Variants in ABCA1 observed in about 807,000 individuals in gnomAD.
The protein encoded by ABCA1 is ATP binding cassette subfamily A member 1, also known as phospholipid-transporting ATPase ABCA1.
A neutral mutation model predicts 262.5 loss-of-function variants in ABCA1; 133 were observed. The observed-to-expected ratio is 0.51, with a 90% CI of 0.44 to 0.59. The LOEUF (loss-of-function observed/expected upper bound fraction) is 0.59, where lower values mean the gene tolerates loss of function less well. Among genes scored for constraint, ABCA1 ranks in the 20% least tolerant of loss-of-function variants. ABCA1 has a pLI of 0.00. For missense variants in ABCA1, 2,452 were observed against 2,777.5 expected (o/e 0.88, Z 2.63); for synonymous variants, 1,022 against 1,043.5 (o/e 0.98, Z 0.40).
chr9:104,907,804 G>A (rs1448894362), intron 1 of ABCA1, among the ~76,000 whole-genome samples: 5 of 152,300 alleles, frequency 3.3e-5, no homozygotes, highest in African/African-American at 7.2e-5. Context: ...TCGACTTCCC[G>A]CCCGTCCTCA....
At chr9:104,807,076 G>A (rs1331209241) in intron 30 of ABCA1, among the ~76,000 whole-genome samples, 1 of 152,194 alleles carries the variant, frequency 6.6e-6, no homozygotes, top group African/African-American at 2.4e-5. Context: ...ATAATAGGAA[G>A]ACAGCATGGC....
chr9:104,830,312 A>C (rs1037336160), intron 14 of ABCA1, among the ~76,000 whole-genome samples: 5 of 152,180 alleles, frequency 3.3e-5, no homozygotes, highest in Non-Finnish European at 7.3e-5. Flanking sequence ...TCTATGTGTG[A>C]GTATGTGCTT....
intron 4 of ABCA1, 61 bp from the exon 5 acceptor site, chr9:104,883,218 A>G (rs1052130719): frequency 1.4e-6 from 2 of 1,411,502 alleles, no homozygotes; most frequent in East Asian, 4.6e-5. Context: ...CTGCTGCTTT[A>G]CAGAAGTGAC....
At chr9:104,874,919 G>A (rs1381682463) in intron 5 of ABCA1, among the ~76,000 whole-genome samples, 4 of 150,988 alleles carry the variant, frequency 2.6e-5, no homozygotes, top group Non-Finnish European at 4.4e-5. Flanking sequence ...GGTGGGGGGC[G>A]CCTCTGCCCG....
intron 1 of ABCA1, among the ~76,000 whole-genome samples, chr9:104,912,688 G>C (rs567180586): frequency 6.6e-6 from 1 of 152,198 alleles, no homozygotes; most frequent in African/African-American, 2.4e-5. Context: ...CAAACACCAA[G>C]CAACCTTCAA....
At chr9:104,857,826 G>T (rs1207374568) in intron 7 of ABCA1, among the ~76,000 whole-genome samples, 2 of 152,180 alleles carry the variant, frequency 1.3e-5, no homozygotes, top group Admixed American at 6.5e-5. Context: ...GATATTAAAT[G>T]ATGATGTTTG....
At position 104,792,122 on chromosome 9, in the gene ABCA1, C is replaced by T. The variant is rs1588206850; in HGVS notation, c.5758-124G>A. 1.1e-5 allele frequency: 10 copies of T among 884,958 alleles called. No individual in the cohort carries two copies. The East Asian group carries it at 2.6e-4, about 23-fold the overall frequency. 54.8% of individuals were successfully genotyped at this position (884,958 alleles called of 1,614,324 possible). On this transcript the variant is annotated intron_variant, in intron 42 of 49. Transcript: ENST00000374736. ...ATAAGACTTGTCAATAACCCTAAGCCATAGGCATATTTGATGTGCCAAGAG... is the reference window on the plus strand; with the variant it reads ...ATAAGACTTGTCAATAACCCTAAGCTATAGGCATATTTGATGTGCCAAGAG...
At chr9:104,831,154 A>T in intron 13 of ABCA1, 53 bp from the exon 14 acceptor site, 4 of 1,387,474 alleles carry the variant, frequency 2.9e-6, no homozygotes, top group South Asian at 1.3e-5. Flanking sequence ...TACAATAAAA[A>T]AAAAAAAAAA....
At position 104,802,056 on chromosome 9, in the gene ABCA1, T is replaced by C. The variant is rs757339416; in HGVS notation, c.4696A>G (p.Lys1566Glu). 1.2e-6 allele frequency: 2 copies of C among 1,614,100 alleles called. No homozygotes were observed. Among genetic ancestry groups the C allele is most frequent in the South Asian group, 1.1e-5 (1 of 91,084 alleles). Residue 1566 changes from lysine to glutamate, a missense_variant and splice_region_variant, in exon 34 of 50, where the codon AAG becomes GAG. Around this residue, in one of 4 missense-constraint regions of ABCA1, gnomAD observed 752 missense variants for 944.5 expected, o/e 0.80. Transcript: ENST00000374736. Reference sequence around the variant, plus strand: ...ACATCTTACGATAGATATTTTACCTTGGCCAGCTTTAGGTGTTTCTTCATT... The same window carrying C: ...ACATCTTACGATAGATATTTTACCTCGGCCAGCTTTAGGTGTTTCTTCATT... Reference protein sequence around the residue: ...KQMKKHLKLAKDSSADRFLNS... With the variant: ...KQMKKHLKLAEDSSADRFLNS...
chr9:104,840,549 G>A (rs896150952), intron 8 of ABCA1, 30 bp from the exon 9 acceptor site: 1 of 1,604,072 alleles, frequency 6.2e-7, no homozygotes, highest in African/African-American at 1.3e-5. Context: ...CAGAAAGGAG[G>A]GTAGGGGAAG....
In ABCA1 at chr9:104,798,500, A is replaced by C. The variant is rs1177439224; in HGVS notation, c.5042T>G (p.Val1681Gly). ...SFVVFLIQER[V>G]SKAKHLQFIS... The stretch of plus-strand genomic sequence containing the variant: ...GAACTGCAGGTGTTTTGCTTTGCTG[A>C]CCCGCTCCTGGATCAGGAATACGAC... The change falls in exon 37 of 50, where the codon GTC (valine) becomes GGC (glycine). Residue 1681 changes from valine to glycine, a missense_variant. Physicochemically the swap from Val to Gly is moderately radical, Grantham distance 109. Transcript: ENST00000374736. 1.9e-6 allele frequency: 3 copies of C among 1,614,128 alleles called. No homozygotes were observed. Among genetic ancestry groups the C allele is most frequent in the Non-Finnish European group, 2.5e-6 (3 of 1,180,018 alleles).
At chr9:104,862,644 C>T (rs367941764) in intron 5 of ABCA1, among the ~76,000 whole-genome samples, 181 of 7,508 alleles carry the variant, frequency 0.024, 24 homozygotes, top group Non-Finnish European at 0.043. Flanking sequence ...CGGGCCGGGC[C>T]GGGCCGGGCC....
intron 27 of ABCA1, among the ~76,000 whole-genome samples, 175 bp from the exon 28 acceptor site, chr9:104,812,897 A>G (rs1831406539): frequency 1.3e-5 from 2 of 152,256 alleles, no homozygotes; most frequent in South Asian, 4.1e-4. Context: ...GCTTGACTCA[A>G]AATGTCTAAC....
At chr9:104,888,244 T>C (rs1270424440) in intron 3 of ABCA1, among the ~76,000 whole-genome samples, 2 of 152,142 alleles carry the variant, frequency 1.3e-5, no homozygotes, top group African/African-American at 4.8e-5. Flanking sequence ...CATAAGCTTG[T>C]GGGTCTCGTA....
chr9:104,903,531 C>T (rs941714190), intron 2 of ABCA1, 83 bp downstream of exon 2: 51 of 1,324,352 alleles, frequency 3.9e-5, no homozygotes, highest in Non-Finnish European at 5.1e-5. Flanking sequence ...AGCTTCCTTC[C>T]CTCCCTCCCT....
intron 1 of ABCA1, among the ~76,000 whole-genome samples, chr9:104,914,500 T>TAA (rs80006856): frequency 2.2e-5 from 3 of 136,290 alleles, no homozygotes; most frequent in Admixed American, 7.4e-5. Flanking sequence ...AACTCCATCT[T>TAA]AAAAAAAAAA....
rs1373146965 is a variant in ABCA1 at position 104,827,103 on chromosome 9, C to A, written c.2182G>T (p.Val728Leu). 1.2e-6 allele frequency: 2 copies of A among 1,614,148 alleles called. No individual in the cohort carries two copies. The highest frequency in any genetic ancestry group is 3.3e-5 in the Admixed American group (2 of 60,016). ...ATCAGGAAGCACTGCAGGATTGTCA[C>A]CACAGCAAACACGGACAGGAAGACA... The part of the protein sequence containing the change: ...VFVFLSVFAV[V>L]TILQCFLIST... Residue 728 changes from valine to leucine, a missense_variant, in exon 16 of 50, where the codon GTG becomes TTG. Around this residue, in one of 4 missense-constraint regions of ABCA1, gnomAD observed 1,032 missense variants for 1,089.7 expected, o/e 0.95. Coordinates refer to ENST00000374736, the MANE Select transcript of ABCA1 (RefSeq NM_005502.4).
At chr9:104,875,881 C>T (rs1838120497) in intron 5 of ABCA1, among the ~76,000 whole-genome samples, 1 of 152,192 alleles carries the variant, frequency 6.6e-6, no homozygotes, top group Non-Finnish European at 1.5e-5. Context: ...GACTTGTCAG[C>T]CCTAGGAACA....
intron 3 of ABCA1, among the ~76,000 whole-genome samples, chr9:104,885,611 T>G (rs946089558): frequency 2.0e-5 from 3 of 152,184 alleles, no homozygotes; most frequent in Admixed American, 1.3e-4. Context: ...TCTTTCTTTC[T>G]TACAATGAGC....
Sources: allele counts gnomAD v4.1 joint callset (sites outside exome capture counted in the v4.1 genomes callset), GRCh38; gene constraint gnomAD v4.1.1; regional missense constraint gnomAD v4.1.1; transcripts MANE v1.5; gene names NCBI Gene and HGNC (gene_info 2026-07-23, HGNC 2026-07-21).